Variants in RALYL observed in about 807,000 individuals in gnomAD.
RALYL encodes RALY RNA binding protein like.
Under a neutral mutation model 35.1 loss-of-function variants are expected in RALYL, and 29 were observed. The observed-to-expected ratio is 0.83, with a 90% confidence interval of 0.61 to 1.13. The LOEUF is 1.13. RALYL is among the 50% of genes most tolerant of loss of function. RALYL has a pLI of 0.00. For synonymous variants in RALYL, 120 were observed against 127.6 expected (o/e 0.94, Z 0.40); for missense variants, 359 against 360.4 (o/e 1.00, Z 0.03).
chr8:84,301,803 AATTT>A (rs1475273847), intron 1 of RALYL, among the ~76,000 whole-genome samples: 21 of 152,088 alleles, frequency 1.4e-4, no homozygotes, highest in Non-Finnish European at 2.8e-4. Flanking sequence ...TTTTATATAT[AATTT>A]AATTAATCCT....
Position 84,828,091 on chromosome 8 carries a change from A to G in RALYL, c.366-21889A>G, listed in dbSNP as rs28635409. ...AAATATTGAACTGCACTAGATTTGT[A>G]TAATAACTAATTTATACAATTTAAT... On this transcript the variant is annotated intron_variant, in intron 4 of 8. Coordinates refer to ENST00000521268, the MANE Select transcript of RALYL (RefSeq NM_173848.7). 9.2e-3 allele frequency among the ~76,000 whole-genome samples: 1,401 copies of G among 152,300 alleles called. 14 individuals are homozygous for G. The highest frequency in any genetic ancestry group is 0.032 in the African/African-American group (1,345 of 41,566).
intron 1 of RALYL, among the ~76,000 whole-genome samples, chr8:84,504,352 C>T (rs548134517): frequency 6.6e-6 from 1 of 151,970 alleles, no homozygotes; most frequent in South Asian, 2.1e-4. Context: ...AAATTGGTAC[C>T]CTCATGTAAT....
chr8:84,740,380 C>A (rs565030848), intron 2 of RALYL, among the ~76,000 whole-genome samples: 1 of 151,534 alleles, frequency 6.6e-6, no homozygotes, highest in African/African-American at 2.4e-5. Flanking sequence ...ACAAAGAGGG[C>A]GGAATAAAAG....
intron 2 of RALYL, among the ~76,000 whole-genome samples, chr8:84,552,407 AG>A (rs1344893001): frequency 2.8e-4 from 36 of 128,270 alleles, no homozygotes; most frequent in Non-Finnish European, 5.3e-4. Context: ...GAGACAGCAA[AG>A]GTAGCTCTGT....
chr8:84,450,131 AACT>A (rs1455340615), intron 1 of RALYL, among the ~76,000 whole-genome samples: 1 of 151,886 alleles, frequency 6.6e-6, no homozygotes, highest in Non-Finnish European at 1.5e-5. Context: ...TTGCTCCAGA[AACT>A]ACTACTAAAA....
intron 2 of RALYL, among the ~76,000 whole-genome samples, chr8:84,676,812 T>C (rs75021632): frequency 6.6e-6 from 1 of 150,388 alleles, no homozygotes; most frequent in African/African-American, 2.4e-5. Context: ...ATTTTTTTTT[T>C]CTTTTTTTGA....
At chr8:84,483,877 T>C (rs1229008569) in intron 1 of RALYL, among the ~76,000 whole-genome samples, 1 of 152,192 alleles carries the variant, frequency 6.6e-6, no homozygotes, top group Non-Finnish European at 1.5e-5. Context: ...ATTCATTTGT[T>C]TTATACATTC....
rs779491706 is a variant in RALYL, at chr8:84,529,606, G to A, written c.256+29G>A. On this transcript the variant is annotated intron_variant, in intron 2 of 8. Coordinates refer to ENST00000521268, the MANE Select transcript of RALYL (RefSeq NM_173848.7). Reference sequence around the variant, plus strand: ...AGTCATGCTCAGACATGGATCTCACGTTATTGTTCATATATCTGGAAATTG... The same window carrying A: ...AGTCATGCTCAGACATGGATCTCACATTATTGTTCATATATCTGGAAATTG... The A allele has an allele frequency of 6.9e-6, 11 of 1,587,568 alleles. 1 individual carries two copies. In the Admixed American group the frequency reaches 1.5e-4, roughly 22 times the overall value.
At chr8:84,783,642 C>A (rs1818712985) in intron 3 of RALYL, among the ~76,000 whole-genome samples, 1 of 152,198 alleles carries the variant, frequency 6.6e-6, no homozygotes, top group Non-Finnish European at 1.5e-5. Context: ...CCTGCCCCCA[C>A]TCTGCCTCCC....
intron 2 of RALYL, among the ~76,000 whole-genome samples, chr8:84,697,104 G>C (rs1276625131): frequency 1.3e-5 from 2 of 151,872 alleles, no homozygotes; most frequent in African/African-American, 4.8e-5. Context: ...TTGTAGACAG[G>C]CTGAAATGAA....
chr8:84,275,282 G>T (rs1048707271), intron 1 of RALYL, among the ~76,000 whole-genome samples: 27 of 151,970 alleles, frequency 1.8e-4, no homozygotes, highest in African/African-American at 6.3e-4. Flanking sequence ...TATATTAAAT[G>T]TAATCTAACT....
intron 2 of RALYL, among the ~76,000 whole-genome samples, chr8:84,694,752 C>T (rs898654497): frequency 1.3e-5 from 2 of 151,734 alleles, no homozygotes; most frequent in African/African-American, 4.8e-5. Flanking sequence ...GTCATAAAAA[C>T]GGACACATTT....
rs906898157 is a variant in RALYL at position 84,679,924 on chromosome 8, A to G, written c.257-94655A>G. The G allele has an allele frequency of 2.5e-5, 8 of 321,930 alleles. No individual in the cohort carries two copies. In the Admixed American group the frequency reaches 3.1e-4, roughly 12 times the overall value. 19.9% of individuals were successfully genotyped at this position (321,930 alleles called of 1,614,324 possible). ...GTGCAGGTTTGTTACATGTATATAC[A>G]TGTGCCATGTTGGTGTGCTGCACCC... On this transcript the variant is annotated intron_variant, in intron 2 of 8. Coordinates refer to ENST00000521268, the MANE Select transcript of RALYL (RefSeq NM_173848.7).
chr8:84,188,747 A>G (rs1194266852), intron 1 of RALYL, among the ~76,000 whole-genome samples: 1 of 152,162 alleles, frequency 6.6e-6, no homozygotes, highest in Non-Finnish European at 1.5e-5. Flanking sequence ...CTGCATAGAT[A>G]TAACACAGCT....
At chr8:84,437,367 A>G (rs563166744) in intron 1 of RALYL, among the ~76,000 whole-genome samples, 1 of 152,270 alleles carries the variant, frequency 6.6e-6, no homozygotes, top group South Asian at 2.1e-4. Flanking sequence ...TTTCTTTCAG[A>G]TATCTACCCA....
chr8:84,513,409 G>C (rs1008825194), intron 1 of RALYL, among the ~76,000 whole-genome samples: 2 of 151,538 alleles, frequency 1.3e-5, no homozygotes, highest in Admixed American at 6.6e-5. Context: ...TAAGATTCTT[G>C]TTCTTATTTT....
intron 2 of RALYL, among the ~76,000 whole-genome samples, chr8:84,681,835 T>G (rs1421639498): frequency 6.6e-6 from 1 of 152,208 alleles, no homozygotes; most frequent in Non-Finnish European, 1.5e-5. Context: ...CTTTATTTCC[T>G]TTTTCCGCCT....
intron 2 of RALYL, among the ~76,000 whole-genome samples, chr8:84,665,085 A>G (rs758454898): frequency 6.6e-6 from 1 of 152,062 alleles, no homozygotes; most frequent in African/African-American, 2.4e-5. Flanking sequence ...TGAGATAATC[A>G]TGTTGTTTTT....
chr8:84,666,563 ACT>A (rs1433474116), intron 2 of RALYL, among the ~76,000 whole-genome samples: 2 of 152,060 alleles, frequency 1.3e-5, no homozygotes, highest in Non-Finnish European at 2.9e-5. Context: ...TACAAAAAAT[ACT>A]GTTTCTGGGT....
Sources: gnomAD v4.1 joint callset for allele counts (sites outside exome capture counted in the v4.1 genomes callset) on GRCh38, gnomAD v4.1.1 for gene constraint, MANE v1.5 for transcripts, NCBI Gene and HGNC (gene_info 2026-07-23, HGNC 2026-07-21) for gene names.